The following ARL17A variants were observed in gnomAD, a reference collection of about 807,000 sequenced individuals.
The protein encoded by ARL17A is ADP-ribosylation factor-like 17-like.
Position 46,534,905 on chromosome 17 carries a change from G to A in ARL17A, c.335+3446C>T, listed in dbSNP as rs576957580. Among the ~76,000 whole-genome samples the A allele has an allele frequency of 9.4e-5, 14 of 149,200 alleles. No individual in the cohort carries two copies. The South Asian group carries it at 1.5e-3, about 16-fold the overall frequency. ...TTCTCAGACGGGGCGGCTGCTGGGC[G>A]GAGGGGCTCCTCACTTCTCAGATGG... On this transcript the variant is annotated intron_variant, in intron 4 of 4. Transcript: ENST00000329240.
At chr17:46,543,727 G>A (rs1190169862) in intron 3 of ARL17A, among the ~76,000 whole-genome samples, 1 of 150,932 alleles carries the variant, frequency 6.6e-6, no homozygotes, top group Non-Finnish European at 1.5e-5. Context: ...CCAGATGAAA[G>A]TTATACAGGT....
chr17:46,568,531 G>A (rs1463289799), intron 3 of ARL17A, among the ~76,000 whole-genome samples: 1 of 107,514 alleles, frequency 9.3e-6, no homozygotes, highest in Non-Finnish European at 1.9e-5. Flanking sequence ...GAGGCCAGGC[G>A]AGGTGGCTCA....
chr17:46,502,921 T>C, the ARL17A span, among the ~76,000 whole-genome samples: 1 of 150,522 alleles, frequency 6.6e-6, no homozygotes, highest in Non-Finnish European at 1.5e-5. Flanking sequence ...GTTTAAAAAT[T>C]AGTCTTCATT....
intron 3 of ARL17A, among the ~76,000 whole-genome samples, chr17:46,557,989 G>C (rs1425555469): frequency 7.4e-6 from 1 of 134,392 alleles, no homozygotes; most frequent in African/African-American, 2.9e-5. Flanking sequence ...TATAGTATTG[G>C]AGAAAACTTA....
intron 3 of ARL17A, among the ~76,000 whole-genome samples, chr17:46,543,585 G>GCTGCA (rs2055807969): frequency 6.6e-6 from 1 of 150,772 alleles, no homozygotes; most frequent in Non-Finnish European, 1.5e-5. Context: ...GTTCTTAGGG[G>GCTGCA]CTGCACACTG....
rs1205184094 is a variant in ARL17A at position 46,552,979 on chromosome 17, CA to C, written c.*4376del. 1.4e-5 allele frequency among the ~76,000 whole-genome samples: 2 copies of C among 142,106 alleles called. No homozygotes were observed. The highest frequency in any genetic ancestry group is 5.6e-5 in the African/African-American group (2 of 35,462). 93.2% of individuals were successfully genotyped at this position (142,106 alleles called of 152,430 possible). A position where few individuals can be genotyped will look rare whatever the true frequency, so the allele number is the denominator to read the frequency against. On this transcript the variant is annotated 3_prime_UTR_variant, in exon 4 of 4. Coordinates refer to ENST00000336125, the MANE Select transcript of ARL17A (RefSeq NM_001113738.2). ...CTGAGGTGGGCGGATCACTGGAGCCCAGGAGGTTGAGGCTACAGTGAGCTGT... is the reference window on the plus strand; with the variant it reads ...CTGAGGTGGGCGGATCACTGGAGCCCGGAGGTTGAGGCTACAGTGAGCTGT...
At chr17:46,543,041 TCCC>T in intron 3 of ARL17A, among the ~76,000 whole-genome samples, 1 of 149,778 alleles carries the variant, frequency 6.7e-6, no homozygotes, top group South Asian at 2.1e-4. Context: ...CTGGATGAAG[TCCC>T]CTTCATCGAC....
At chr17:46,533,502 T>C (rs1158799537) in intron 4 of ARL17A, among the ~76,000 whole-genome samples, 16 of 147,190 alleles carry the variant, frequency 1.1e-4, no homozygotes, top group South Asian at 2.1e-4. Context: ...TTTTCTTTTT[T>C]TTTTTTTTCT....
intron 4 of ARL17A, among the ~76,000 whole-genome samples, chr17:46,534,951 G>A (rs2054416765): frequency 6.7e-6 from 1 of 149,042 alleles, no homozygotes; most frequent in African/African-American, 2.6e-5. Flanking sequence ...AGGCGTAGGG[G>A]CTCCTCACTT....
At chr17:46,545,382 G>T (rs2056137369) in intron 3 of ARL17A, among the ~76,000 whole-genome samples, 2 of 134,654 alleles carry the variant, frequency 1.5e-5, no homozygotes, top group East Asian at 2.1e-4. Context: ...GCCCAGGGGG[G>T]TTGAGGCTGC....
At chr17:46,549,312 A>G, downstream of ARL17A, 3 of 1,607,968 alleles carry the variant, frequency 1.9e-6, no homozygotes, top group Non-Finnish European at 2.5e-6. Flanking sequence ...CAAAACACAC[A>G]ACTGCAAGAA....
intron 3 of ARL17A, among the ~76,000 whole-genome samples, chr17:46,558,116 A>G (rs1417499586): frequency 6.1e-5 from 8 of 130,264 alleles, no homozygotes; most frequent in Non-Finnish European, 6.4e-5. Flanking sequence ...CTGGAATGCA[A>G]TGGCACGATC....
rs1275674756 is a variant in ARL17A, at chr17:46,544,920, G to A, written c.260-6494C>T. Among the ~76,000 whole-genome samples, 14 of 139,444 alleles carry A rather than the reference G, an allele frequency of 1.0e-4. 1 individual carries two copies. Among genetic ancestry groups the A allele is most frequent in the African/African-American group, 3.9e-4 (14 of 36,282 alleles). 91.5% of individuals were successfully genotyped at this position (139,444 alleles called of 152,430 possible). ...TCTAAAACATGCCTCTACTTTCTTT[G>A]ATCTTTCATGACACTGGCATTTTTT... On this transcript the variant is annotated intron_variant, in intron 3 of 4. Transcript: ENST00000329240.
At chr17:46,541,605 A>G (rs2055333700) in intron 3 of ARL17A, among the ~76,000 whole-genome samples, 2 of 150,858 alleles carry the variant, frequency 1.3e-5, no homozygotes, top group Non-Finnish European at 2.9e-5. Flanking sequence ...TGTTGCACCT[A>G]TCACTACAGC....
intron 3 of ARL17A, among the ~76,000 whole-genome samples, chr17:46,558,385 G>T (rs1323607239): frequency 1.9e-5 from 2 of 107,234 alleles, no homozygotes; most frequent in Non-Finnish European, 3.7e-5. Flanking sequence ...GGTTTTTTTT[G>T]TGTTTTGTTT....
At chr17:46,558,970 G>A (rs1402846930) in intron 3 of ARL17A, 12 of 100,932 alleles carry the variant, frequency 1.2e-4, no homozygotes, top group African/African-American at 4.6e-5. Flanking sequence ...GAGTCCCCGC[G>A]CCCGGCAAAG....
chr17:46,542,376 T>C (rs1225894560), intron 3 of ARL17A, among the ~76,000 whole-genome samples: 1 of 148,882 alleles, frequency 6.7e-6, no homozygotes, highest in Non-Finnish European at 1.5e-5. Context: ...TTTTTATTTT[T>C]TATTTTTTTG....
At chr17:46,573,009 G>A (rs2057696750) in intron 2 of ARL17A, among the ~76,000 whole-genome samples, 1 of 31,566 alleles carries the variant, frequency 3.2e-5, no homozygotes, top group East Asian at 4.3e-4. Context: ...AAGGGAGGAA[G>A]GGAGGAAGGG....
intron 3 of ARL17A, among the ~76,000 whole-genome samples, chr17:46,545,886 T>C (rs1465743676): frequency 1.3e-5 from 2 of 150,306 alleles, no homozygotes; most frequent in Non-Finnish European, 2.9e-5. Flanking sequence ...CAACAGGAAT[T>C]GAGAAAGGGA....
Sources: allele counts gnomAD v4.1 joint callset (sites outside exome capture counted in the v4.1 genomes callset), GRCh38; gene constraint gnomAD v4.1.1; transcripts MANE v1.5; gene names NCBI Gene and HGNC (gene_info 2026-07-23, HGNC 2026-07-21).